SMYD3: variants seen among roughly 807,000 people sequenced by gnomAD.
The protein encoded by SMYD3 is SET and MYND domain containing 3.
Under a neutral mutation model 57.7 loss-of-function variants are expected in SMYD3, and 36 were observed. That is an observed-to-expected ratio of 0.62 (90% confidence interval 0.48 to 0.82). The LOEUF (loss-of-function observed/expected upper bound fraction) is 0.82, where lower values mean the gene tolerates loss of function less well. Ranked by LOEUF, SMYD3 falls within the 40% of genes least tolerant of loss-of-function variation. The pLI, the probability that SMYD3 is intolerant of heterozygous loss-of-function variation, is 0.00. For missense variants in SMYD3, 515 were observed against 538.8 expected, an observed-to-expected ratio of 0.96 and a Z score of 0.44; for synonymous variants, 211 against 195.0, an observed-to-expected ratio of 1.08 and a Z score of -0.68.
At chr1:246,255,170 T>C (rs2063861074) in intron 5 of SMYD3, among the ~76,000 whole-genome samples, 2 of 152,106 alleles carry the variant, frequency 1.3e-5, no homozygotes, top group Non-Finnish European at 2.9e-5. Flanking sequence ...CTATGTTGAA[T>C]AGGAGTGGTA....
chr1:246,394,077 TAATA>T (rs2148773117), intron 1 of SMYD3, among the ~76,000 whole-genome samples: 1 of 152,322 alleles, frequency 6.6e-6, no homozygotes, highest in South Asian at 2.1e-4. Flanking sequence ...TGTCACATCC[TAATA>T]AATAACTGTT....
chr1:245,875,613 C>G (rs891332056), intron 8 of SMYD3, among the ~76,000 whole-genome samples: 13 of 152,108 alleles, frequency 8.5e-5, no homozygotes, highest in African/African-American at 3.1e-4. Context: ...TTTGAGTATA[C>G]AAGATGATAT....
chr1:246,121,608 T>C lies in SMYD3; in HGVS notation c.532-191671A>G, dbSNP rs1014923775. Among the ~76,000 whole-genome samples, 5 of 152,268 alleles carry C rather than the reference T, an allele frequency of 3.3e-5. No individual in the cohort carries two copies. In the East Asian group the frequency reaches 5.8e-4, roughly 18 times the overall value. ...AATTTTCAGTGTATTCCCAGAGAAA[T>C]AGCAGTGTTGATTATCTCTCTTTCA... On this transcript the variant is annotated intron_variant, in intron 5 of 11. Transcript: ENST00000490107.
intron 5 of SMYD3, among the ~76,000 whole-genome samples, chr1:246,195,934 C>T (rs539330068): frequency 2.0e-4 from 31 of 152,118 alleles, no homozygotes; most frequent in Admixed American, 1.1e-3. Flanking sequence ...CTGCCTTTCA[C>T]CTGAAAGAAT....
At chr1:246,145,800 G>A (rs2061834558) in intron 5 of SMYD3, among the ~76,000 whole-genome samples, 3 of 152,196 alleles carry the variant, frequency 2.0e-5, no homozygotes, top group African/African-American at 7.2e-5. Context: ...CACAAACTAA[G>A]TGGTCAATAT....
At chr1:246,326,545 G>A (rs1419990492) in intron 5 of SMYD3, 8 of 505,590 alleles carry the variant, frequency 1.6e-5, no homozygotes, top group Admixed American at 3.8e-5. Flanking sequence ...AGGCCGAGGC[G>A]GGTGGATCAC....
chr1:246,359,187 T>C (rs2065952637), intron 1 of SMYD3, among the ~76,000 whole-genome samples: 2 of 152,200 alleles, frequency 1.3e-5, no homozygotes, highest in Admixed American at 1.3e-4. Context: ...TGAACACCTT[T>C]ATGTGCCTAA....
At chr1:246,487,339 C>T (rs1223104640) in intron 1 of SMYD3, among the ~76,000 whole-genome samples, 3 of 151,826 alleles carry the variant, frequency 2.0e-5, no homozygotes, top group African/African-American at 7.3e-5. Context: ...CCCAGCTACT[C>T]GTCCCAGCTA....
At chr1:246,459,924 A>AG in intron 1 of SMYD3, among the ~76,000 whole-genome samples, 1 of 147,204 alleles carries the variant, frequency 6.8e-6, no homozygotes, top group Admixed American at 6.7e-5. Flanking sequence ...CACCCAAAAA[A>AG]AAAAAAAAAA....
intron 10 of SMYD3, among the ~76,000 whole-genome samples, chr1:245,806,786 T>C (rs1441377535): frequency 2.0e-5 from 3 of 150,806 alleles, no homozygotes; most frequent in Non-Finnish European, 3.0e-5. Flanking sequence ...GGCGGGCGCC[T>C]GTAGTCCCAG....
In SMYD3 at chr1:246,159,486, A is replaced by G. The variant is rs575054093; in HGVS notation, c.531+167715T>C. On this transcript the variant is annotated intron_variant, in intron 5 of 11. Coordinates refer to ENST00000490107, the MANE Select transcript of SMYD3 (RefSeq NM_001167740.2). ...ATAAGTGTTCACTTACATCTGCTCT[A>G]AACTGTCCCACAGATACAGTAAAGC... Among the ~76,000 whole-genome samples the G allele has an allele frequency of 1.6e-3, 249 of 152,302 alleles. 1 individual carries two copies. The highest frequency in any genetic ancestry group is 2.7e-3 in the Non-Finnish European group (186 of 68,022).
At chr1:246,200,183 T>C (rs2062892179) in intron 5 of SMYD3, among the ~76,000 whole-genome samples, 1 of 151,544 alleles carries the variant, frequency 6.6e-6, no homozygotes, top group Non-Finnish European at 1.5e-5. Flanking sequence ...AGATGTCCAC[T>C]GTGATAGAGA....
intron 5 of SMYD3, among the ~76,000 whole-genome samples, chr1:246,011,549 C>T (rs1188542046): frequency 5.3e-5 from 8 of 152,144 alleles, no homozygotes; most frequent in African/African-American, 1.9e-4. Context: ...AGACCACTGT[C>T]GATGCTGTGA....
chr1:246,020,138 A>C (rs2059446958), intron 5 of SMYD3, among the ~76,000 whole-genome samples: 1 of 152,246 alleles, frequency 6.6e-6, no homozygotes, highest in South Asian at 2.1e-4. Context: ...CTACTGACGG[A>C]TTTGACATCT....
At chr1:246,314,131 C>T (rs1297471079) in intron 5 of SMYD3, among the ~76,000 whole-genome samples, 7 of 152,108 alleles carry the variant, frequency 4.6e-5, no homozygotes, top group South Asian at 2.1e-4. Context: ...ATATGAAGGA[C>T]AGAGGTATGT....
chr1:245,929,916 T>C lies in SMYD3; in HGVS notation c.553A>G (p.Ile185Val). ...ACTTCCTGCATCTCCGCATTACAGATGGTGAAAGAGTTGCAGATCACCTGT... is the reference window on the plus strand; with the variant it reads ...ACTTCCTGCATCTCCGCATTACAGACGGTGAAAGAGTTGCAGATCACCTGT... ...FAKVICNSFT[I>V]CNAEMQEVGV... is the part of the protein sequence containing the mutation. The change falls in exon 6 of 12, where the codon ATC (isoleucine) becomes GTC (valine). Residue 185 changes from isoleucine to valine, a missense_variant. Coordinates refer to ENST00000490107, the MANE Select transcript of SMYD3 (RefSeq NM_001167740.2). The C allele has an allele frequency of 1.9e-6, 3 of 1,613,796 alleles. No homozygotes were observed. The highest frequency in any genetic ancestry group is 1.1e-5 in the South Asian group (1 of 91,074).
intron 8 of SMYD3, among the ~76,000 whole-genome samples, chr1:245,886,351 C>T (rs9727572): frequency 1 from 151,900 of 152,262 alleles, 75,772 homozygotes; most frequent in Middle Eastern, 1. Flanking sequence ...GGTCTGAAAA[C>T]GGCTTGTCAA....
chr1:246,206,598 A>G (rs1384659270), intron 5 of SMYD3, among the ~76,000 whole-genome samples: 1 of 152,206 alleles, frequency 6.6e-6, no homozygotes, highest in Non-Finnish European at 1.5e-5. Context: ...ACAAAAATCA[A>G]TAACCAATTC....
At chr1:246,289,791 C>T (rs1472685084) in intron 5 of SMYD3, among the ~76,000 whole-genome samples, 2 of 152,178 alleles carry the variant, frequency 1.3e-5, no homozygotes, top group African/African-American at 4.8e-5. Context: ...TGGAGGTCCA[C>T]AACCATAATC....
Sources: gnomAD v4.1 joint callset for allele counts (sites outside exome capture counted in the v4.1 genomes callset) on GRCh38, gnomAD v4.1.1 for gene constraint, MANE v1.5 for transcripts, NCBI Gene and HGNC (gene_info 2026-07-23, HGNC 2026-07-21) for gene names.